Variants in EXOC6B observed in about 807,000 individuals in gnomAD.
EXOC6B encodes exocyst complex component 6B, also known as SEC15 homolog B.
EXOC6B carries 54 observed loss-of-function variants against 113.5 expected under a neutral mutation model. That is an observed-to-expected ratio of 0.48 (90% CI 0.38 to 0.60). The LOEUF is 0.60. EXOC6B is among the 20% of genes least tolerant of loss of function. The pLI, the probability that EXOC6B is intolerant of heterozygous loss-of-function variation, is 0.00. For missense variants in EXOC6B, 797 were observed against 977.5 expected (o/e 0.82, Z 2.46); for synonymous variants, 357 against 339.0 (o/e 1.05, Z -0.58).
At chr2:72,444,047 A>G (rs959746962) in intron 18 of EXOC6B, among the ~76,000 whole-genome samples, 12 of 152,210 alleles carry the variant, frequency 7.9e-5, no homozygotes, top group Non-Finnish European at 1.8e-4. Flanking sequence ...CCTTCCACCT[A>G]TGATCCTGTA....
At position 72,367,719 on chromosome 2, in the gene EXOC6B, G is replaced by C. The variant is rs372419004; in HGVS notation, c.2122+12010C>G. Among the ~76,000 whole-genome samples the C allele has an allele frequency of 1.4e-4, 22 of 152,274 alleles. 2 individuals carry two copies. The highest frequency in any genetic ancestry group is 4.6e-4 in the African/African-American group (19 of 41,568). On this transcript the variant is annotated intron_variant, in intron 19 of 21. Coordinates refer to ENST00000272427, the MANE Select transcript of EXOC6B (RefSeq NM_015189.3). ...AGTGGTTGAACGGCCTGGAGAGTTT[G>C]TGCACTTGGGAGAGGGAGAGTGCAG...
At chr2:72,722,968 G>C (rs1248221843) in intron 5 of EXOC6B, among the ~76,000 whole-genome samples, 1 of 152,106 alleles carries the variant, frequency 6.6e-6, no homozygotes, top group African/African-American at 2.4e-5. Flanking sequence ...TGGCAACAAA[G>C]AATGTCACCC....
intron 20 of EXOC6B, among the ~76,000 whole-genome samples, chr2:72,189,860 C>CTTTCTTTTTTTTTTTTTT (rs1553462592): frequency 6.9e-5 from 6 of 87,210 alleles, no homozygotes; most frequent in African/African-American, 3.3e-4. Context: ...CCTTCTTCTT[C>CTTTCTTTTTTTTTTTTTT]TTTTTTTTTT....
At chr2:72,794,130 C>A (rs1684823117) in intron 1 of EXOC6B, among the ~76,000 whole-genome samples, 1 of 152,206 alleles carries the variant, frequency 6.6e-6, no homozygotes, top group Non-Finnish European at 1.5e-5. Context: ...AACATCCTGT[C>A]ACATGCTAAA....
In EXOC6B at chr2:72,641,775, C is replaced by G. The variant is rs201460458; in HGVS notation, c.670-66107G>C. On this transcript the variant is annotated intron_variant, in intron 6 of 21. Coordinates refer to ENST00000272427, the MANE Select transcript of EXOC6B (RefSeq NM_015189.3). ...ACTGCCTCCTCAAGTGGGTCCCTGACCCCTGTGTAGCCTAACTGGGAGACA... is the reference window on the plus strand; with the variant it reads ...ACTGCCTCCTCAAGTGGGTCCCTGAGCCCTGTGTAGCCTAACTGGGAGACA... 9.2e-5 allele frequency among the ~76,000 whole-genome samples: 14 copies of G among 152,350 alleles called. No individual in the cohort carries two copies. The East Asian group carries it at 1.4e-3, about 15-fold the overall frequency.
chr2:72,358,241 C>G (rs1399143780), intron 19 of EXOC6B, among the ~76,000 whole-genome samples: 1 of 152,116 alleles, frequency 6.6e-6, no homozygotes, highest in South Asian at 2.1e-4. Flanking sequence ...AACAACTCTC[C>G]ACAGACATAA....
chr2:72,286,619 G>T (rs566101211), intron 20 of EXOC6B, among the ~76,000 whole-genome samples: 1 of 152,224 alleles, frequency 6.6e-6, no homozygotes, highest in Non-Finnish European at 1.5e-5. Context: ...ACAACATCAA[G>T]AGTGAGCCCT....
At chr2:72,802,566 T>C (rs945759001) in intron 1 of EXOC6B, among the ~76,000 whole-genome samples, 9 of 152,188 alleles carry the variant, frequency 5.9e-5, no homozygotes, top group African/African-American at 2.2e-4. Flanking sequence ...ACCATATTGA[T>C]AATGTGGCTT....
chr2:72,376,818 C>T (rs1193208808), intron 19 of EXOC6B, among the ~76,000 whole-genome samples: 1 of 152,006 alleles, frequency 6.6e-6, no homozygotes, highest in Non-Finnish European at 1.5e-5. Context: ...TGCTGTAAAA[C>T]TGTGTATGCT....
chr2:72,798,101 C>G (rs896407133), intron 1 of EXOC6B, among the ~76,000 whole-genome samples: 4 of 152,092 alleles, frequency 2.6e-5, no homozygotes, highest in Admixed American at 6.5e-5. Context: ...CTTTACTTCC[C>G]TTGGGACTAA....
chr2:72,218,554 T>C (rs1245294398), intron 20 of EXOC6B, among the ~76,000 whole-genome samples: 1 of 152,216 alleles, frequency 6.6e-6, no homozygotes, highest in East Asian at 1.9e-4. Context: ...GTTCCTTACA[T>C]TGATAAGTTT....
chr2:72,705,048 T>C (rs957190857), intron 6 of EXOC6B, among the ~76,000 whole-genome samples: 62 of 151,626 alleles, frequency 4.1e-4, no homozygotes, highest in African/African-American at 1.5e-3. Context: ...TAGACCAATA[T>C]CCTTGATGAA....
chr2:72,456,204 C>T lies in EXOC6B; in HGVS notation c.1980+8956G>A, dbSNP rs540510973. ...AAAATTCTGTCACTTGAAAACAATA[C>T]TCTTTCTTATTTGGAGAAACAAGAG... On this transcript the variant is annotated intron_variant, in intron 18 of 21. Coordinates refer to ENST00000272427, the MANE Select transcript of EXOC6B (RefSeq NM_015189.3). Among the ~76,000 whole-genome samples, 8 of 152,252 alleles carry T rather than the reference C, an allele frequency of 5.3e-5. 1 individual carries two copies. Among genetic ancestry groups the T allele is most frequent in the African/African-American group, 1.9e-4 (8 of 41,568 alleles).
chr2:72,244,457 G>C (rs1439687359), intron 20 of EXOC6B, among the ~76,000 whole-genome samples: 2 of 151,766 alleles, frequency 1.3e-5, no homozygotes, highest in Non-Finnish European at 2.9e-5. Context: ...AAAGAAGGAA[G>C]ATCTAAAATC....
intron 6 of EXOC6B, among the ~76,000 whole-genome samples, chr2:72,595,298 T>G (rs1272599926): frequency 6.8e-6 from 1 of 147,288 alleles, no homozygotes; most frequent in Non-Finnish European, 1.5e-5. Flanking sequence ...TATATATCTA[T>G]ATATATATAT....
At chr2:72,532,354 T>C (rs912173336) in intron 8 of EXOC6B, among the ~76,000 whole-genome samples, 1 of 152,208 alleles carries the variant, frequency 6.6e-6, no homozygotes, top group Non-Finnish European at 1.5e-5. Context: ...TACCCAGTAT[T>C]GTTGAGAGTA....
intron 19 of EXOC6B, among the ~76,000 whole-genome samples, chr2:72,340,780 G>C (rs2104904449): frequency 6.6e-6 from 1 of 152,244 alleles, no homozygotes; most frequent in Non-Finnish European, 1.5e-5. Flanking sequence ...ACGGTTTCCT[G>C]GTATCTGGCT....
At position 72,377,965 on chromosome 2, in the gene EXOC6B, G is replaced by GAA. The variant is rs11395477; in HGVS notation, c.2122+1762_2122+1763dup. 1.6e-3 allele frequency among the ~76,000 whole-genome samples: 235 copies of GAA among 148,246 alleles called. No homozygotes were observed. In the South Asian group the frequency reaches 0.016, roughly 10 times the overall value. On this transcript the variant is annotated intron_variant, in intron 19 of 21. Coordinates refer to ENST00000272427, the MANE Select transcript of EXOC6B (RefSeq NM_015189.3). ...GTACATGATGAACATATACAATTAA[G>GAA]AAAAAAAAAACAGAGGAGCTCCTCC... is the stretch of plus-strand genomic sequence containing the variant.
At chr2:72,190,843 A>G (rs1356889159) in intron 20 of EXOC6B, among the ~76,000 whole-genome samples, 1 of 152,188 alleles carries the variant, frequency 6.6e-6, no homozygotes, top group Non-Finnish European at 1.5e-5. Context: ...AAGTAAAGTC[A>G]TTTTCAAGGG....
Sources: gnomAD v4.1 joint callset for allele counts (sites outside exome capture counted in the v4.1 genomes callset) on GRCh38, gnomAD v4.1.1 for gene constraint, MANE v1.5 for transcripts, NCBI Gene and HGNC (gene_info 2026-07-23, HGNC 2026-07-21) for gene names.